Variants in KCNH5 observed in about 807,000 individuals in gnomAD.
KCNH5 encodes the protein voltage-gated delayed rectifier potassium channel KCNH5.
A neutral mutation model predicts 96.1 loss-of-function variants in KCNH5; 46 were observed. The observed-to-expected ratio is 0.48, with a 90% confidence interval of 0.38 to 0.61. KCNH5 has a LOEUF of 0.61. KCNH5 is among the 20% of genes least tolerant of loss of function. KCNH5 has a pLI of 0.00. For missense variants in KCNH5, 907 were observed against 1,225.8 expected (o/e 0.74, Z 3.88); for synonymous variants, 439 against 449.8 (o/e 0.98, Z 0.30).
intron 10 of KCNH5, among the ~76,000 whole-genome samples, chr14:62,714,863 C>A (rs1884650154): frequency 6.6e-6 from 1 of 152,182 alleles, no homozygotes; most frequent in Non-Finnish European, 1.5e-5. Context: ...AATGGCAAAT[C>A]AGATTGCTGC....
At position 63,042,547 on chromosome 14, in the gene KCNH5, G is replaced by T. The variant is rs1412918526; in HGVS notation, c.73+2567C>A. ...ATTGTTAAATAGATTGGGAGTGCTG[G>T]GTGCTATTCTTTCTCTTCCTGCTAA... On this transcript the variant is annotated intron_variant, in intron 1 of 10. Transcript: ENST00000322893. Among the ~76,000 whole-genome samples, 7 of 152,092 alleles carry T rather than the reference G, an allele frequency of 4.6e-5. 1 individual carries two copies. The East Asian group carries it at 1.4e-3, about 29-fold the overall frequency.
chr14:62,979,558 T>C (rs1404089917), intron 6 of KCNH5, among the ~76,000 whole-genome samples: 1 of 152,006 alleles, frequency 6.6e-6, no homozygotes. Context: ...ATTATAATAA[T>C]AATAACAACA....
At chr14:62,890,462 G>A (rs553339838) in intron 7 of KCNH5, among the ~76,000 whole-genome samples, 1 of 151,890 alleles carries the variant, frequency 6.6e-6, no homozygotes, top group African/African-American at 2.4e-5. Context: ...TTGGGAGGCC[G>A]AGGCGGGCGG....
At chr14:62,843,591 T>G (rs1043818643) in intron 8 of KCNH5, among the ~76,000 whole-genome samples, 2 of 151,972 alleles carry the variant, frequency 1.3e-5, no homozygotes, top group Admixed American at 1.3e-4. Flanking sequence ...TTTGTATTTT[T>G]AGTAGAGACG....
chr14:62,701,835 T>A lies in KCNH5; in HGVS notation c.*5673A>T, dbSNP rs566363839. On this transcript the variant is annotated 3_prime_UTR_variant, in exon 11 of 11. Transcript: ENST00000322893. The stretch of plus-strand genomic sequence containing the variant: ...TGAAGTAAATATACATACTGTGAGC[T>A]CATTAATTTTGGAAATAAGGATACA... The A allele has an allele frequency of 3.2e-4, 49 of 152,236 alleles. No individual in the cohort carries two copies. Among genetic ancestry groups the A allele is most frequent in the African/African-American group, 1.2e-3 (49 of 41,574 alleles). 9.4% of individuals were successfully genotyped at this position (152,236 alleles called of 1,614,324 possible). A position where few individuals can be genotyped will look rare whatever the true frequency, so the allele number is the denominator to read the frequency against.
Position 62,950,155 on chromosome 14 carries a change from C to T in KCNH5, c.1347G>A (p.Ser449=), listed in dbSNP as rs776652131. The T allele has an allele frequency of 2.9e-5, 46 of 1,613,620 alleles. No homozygotes were observed. The Admixed American group carries it at 5.8e-4, about 20-fold the overall frequency. Residue 449 remains serine, a synonymous_variant, in exon 7 of 11, where the codon TCG becomes TCA. Coordinates refer to ENST00000322893, the MANE Select transcript of KCNH5 (RefSeq NM_139318.5). ...APTTDVEKMF[S]VAMMMVGSLL... ...TACAGCCAACCATCATCATAGCCAC[C>T]GAAAACATCTTCTCCACATCTGTGG...
intron 6 of KCNH5, among the ~76,000 whole-genome samples, chr14:62,971,674 C>T (rs1890410784): frequency 6.6e-6 from 1 of 151,852 alleles, no homozygotes; most frequent in Non-Finnish European, 1.5e-5. Flanking sequence ...ATTAACTGAT[C>T]AGAATAGTGA....
intron 8 of KCNH5, among the ~76,000 whole-genome samples, chr14:62,831,954 C>T (rs531139377): frequency 6.6e-6 from 1 of 152,224 alleles, no homozygotes; most frequent in South Asian, 2.1e-4. Context: ...CTCAAACAAT[C>T]CTCCCACCTT....
At chr14:62,865,668 G>A (rs1261559007) in intron 7 of KCNH5, among the ~76,000 whole-genome samples, 2 of 152,140 alleles carry the variant, frequency 1.3e-5, no homozygotes, top group Non-Finnish European at 2.9e-5. Flanking sequence ...ATGTTGACTG[G>A]TTCCTTTCTA....
chr14:62,955,249 G>A (rs1890082337), intron 6 of KCNH5, among the ~76,000 whole-genome samples: 1 of 152,106 alleles, frequency 6.6e-6, no homozygotes, highest in African/African-American at 2.4e-5. Flanking sequence ...GAAAAAGGCT[G>A]GAGCTACAGG....
intron 10 of KCNH5, among the ~76,000 whole-genome samples, chr14:62,711,866 G>C (rs1047429293): frequency 6.6e-6 from 1 of 152,170 alleles, no homozygotes; most frequent in African/African-American, 2.4e-5. Flanking sequence ...TGCCACCAGG[G>C]ACTTTCAGGC....
At chr14:62,874,482 G>C (rs1043171814) in intron 7 of KCNH5, among the ~76,000 whole-genome samples, 1 of 152,152 alleles carries the variant, frequency 6.6e-6, no homozygotes, top group Non-Finnish European at 1.5e-5. Context: ...ACATCAGAAA[G>C]CTTATCCACC....
At chr14:63,006,141 A>T (rs1891120795) in intron 3 of KCNH5, among the ~76,000 whole-genome samples, 1 of 152,204 alleles carries the variant, frequency 6.6e-6, no homozygotes, top group Admixed American at 6.5e-5. Context: ...TACAAAAGTC[A>T]TATTAAGATG....
At chr14:62,833,300 C>A (rs1400750261) in intron 8 of KCNH5, among the ~76,000 whole-genome samples, 1 of 151,698 alleles carries the variant, frequency 6.6e-6, no homozygotes, top group African/African-American at 2.4e-5. Flanking sequence ...GTCTTTAATC[C>A]ATTTTGTGTT....
intron 10 of KCNH5, among the ~76,000 whole-genome samples, chr14:62,777,457 C>T (rs917540491): frequency 3.3e-5 from 5 of 152,174 alleles, no homozygotes; most frequent in Admixed American, 1.3e-4. Flanking sequence ...TGGCTATATA[C>T]AACATGTTCT....
chr14:62,901,361 C>T (rs115633816), intron 7 of KCNH5, among the ~76,000 whole-genome samples: 1,679 of 151,956 alleles, frequency 0.011, 45 homozygotes, highest in African/African-American at 0.038. Flanking sequence ...AATAGTTTTC[C>T]AACCCTTGCC....
At chr14:62,943,108 A>G (rs1299373528) in intron 7 of KCNH5, among the ~76,000 whole-genome samples, 1 of 152,234 alleles carries the variant, frequency 6.6e-6, no homozygotes, top group Non-Finnish European at 1.5e-5. Flanking sequence ...AACTTATGGC[A>G]AAGAGTTATT....
rs1460948726 is a variant in KCNH5, at chr14:62,706,226, T to A, written c.*1282A>T. ...GTCTTTAGTATCCCCCTTTCACAAATGGACCTGCCTGAGCCACAATAGCTT... is the reference window on the plus strand; with the variant it reads ...GTCTTTAGTATCCCCCTTTCACAAAAGGACCTGCCTGAGCCACAATAGCTT... On this transcript the variant is annotated 3_prime_UTR_variant, in exon 11 of 11. Coordinates refer to ENST00000322893, the MANE Select transcript of KCNH5 (RefSeq NM_139318.5). The A allele has an allele frequency of 6.6e-6, 1 of 152,282 alleles. No homozygotes were observed. Among genetic ancestry groups the A allele is most frequent in the South Asian group, 2.1e-4 (1 of 4,828 alleles). The allele number at this position is 152,282 out of a possible 1,614,324, so 9.4% of individuals were successfully genotyped here. A position where few individuals can be genotyped will look rare whatever the true frequency, so the allele number is the denominator to read the frequency against.
chr14:62,771,597 C>G (rs1885989496), intron 10 of KCNH5, among the ~76,000 whole-genome samples: 2 of 152,142 alleles, frequency 1.3e-5, no homozygotes, highest in South Asian at 4.1e-4. Context: ...TGCACTCCAG[C>G]CTGGGTGACA....
Sources: gnomAD v4.1 joint callset for allele counts (sites outside exome capture counted in the v4.1 genomes callset) on GRCh38, gnomAD v4.1.1 for gene constraint, MANE v1.5 for transcripts, NCBI Gene and HGNC (gene_info 2026-07-23, HGNC 2026-07-21) for gene names.